VKORC1L1: variants seen among roughly 807,000 people sequenced by gnomAD.
VKORC1L1 encodes vitamin K epoxide reductase complex subunit 1L1, also known as vitamin K epoxide reductase complex subunit 1-like protein 1.
A neutral mutation model predicts 18.9 loss-of-function variants in VKORC1L1; 2 were observed. The observed-to-expected ratio is 0.11, with a 90% CI of 0.04 to 0.33. The LOEUF is 0.33. Among genes scored for constraint, VKORC1L1 ranks in the 10% least tolerant of loss-of-function variants. The pLI is 1.00. For missense variants in VKORC1L1, 123 were observed against 224.1 expected (o/e 0.55, Z 2.88); for synonymous variants, 96 against 100.0 (o/e 0.96, Z 0.24).
chr7:65,922,626 CA>C (rs538367303), intron 1 of VKORC1L1, among the ~76,000 whole-genome samples: 38 of 152,332 alleles, frequency 2.5e-4, no homozygotes, highest in African/African-American at 8.9e-4. Context: ...TTGGCGTGAA[CA>C]AATTCAGTTT....
intron 1 of VKORC1L1, among the ~76,000 whole-genome samples, chr7:65,939,347 G>A (rs975995902): frequency 4.6e-5 from 7 of 152,158 alleles, no homozygotes; most frequent in African/African-American, 1.7e-4. Context: ...GGTGGTCGTG[G>A]AGGTGATTTG....
chr7:65,951,502 A>T (rs1790211854), intron 2 of VKORC1L1, among the ~76,000 whole-genome samples: 3 of 152,064 alleles, frequency 2.0e-5, no homozygotes, highest in Admixed American at 2.0e-4. Context: ...TGAACCTGGG[A>T]GACAGAGGTT....
At chr7:65,915,497 G>A (rs552869492) in intron 1 of VKORC1L1, among the ~76,000 whole-genome samples, 8 of 150,504 alleles carry the variant, frequency 5.3e-5, no homozygotes, top group African/African-American at 1.7e-4. Flanking sequence ...TGCAACCTCC[G>A]CCTCCTGGGT....
At chr7:65,882,977 G>A (rs1284835027) in intron 1 of VKORC1L1, among the ~76,000 whole-genome samples, 1 of 152,052 alleles carries the variant, frequency 6.6e-6, no homozygotes, top group Non-Finnish European at 1.5e-5. Context: ...GGCAAAACAT[G>A]CTTTATCATC....
chr7:65,910,732 T>G (rs947034463), intron 1 of VKORC1L1, among the ~76,000 whole-genome samples: 1 of 152,166 alleles, frequency 6.6e-6, no homozygotes, highest in Non-Finnish European at 1.5e-5. Context: ...TAGCAAGCTG[T>G]GCTTTCATTG....
chr7:65,944,848 T>A lies in VKORC1L1; in HGVS notation c.195-3823T>A, dbSNP rs540706199. On this transcript the variant is annotated intron_variant, in intron 1 of 2. Transcript: ENST00000360768. ...GGGAAAATTGCTTGAGACTGGGAGG[T>A]GGAGGTTGCAATGAGTGCAGATTGC... Among the ~76,000 whole-genome samples the A allele has an allele frequency of 2.7e-5, 4 of 148,330 alleles. No individual in the cohort carries two copies. In the South Asian group the frequency reaches 6.4e-4, roughly 24 times the overall value.
chr7:65,934,785 T>TGGCTCATGCCTGTGGTCTCAGC (rs1789913785), intron 1 of VKORC1L1, among the ~76,000 whole-genome samples: 1 of 152,168 alleles, frequency 6.6e-6, no homozygotes, highest in Non-Finnish European at 1.5e-5. Context: ...CTGGGCTCAG[T>TGGCTCATGCCTGTGGTCTCAGC]GGCTCATGCC....
In VKORC1L1 at chr7:65,877,971, G is replaced by A. The variant is rs148661542; in HGVS notation, c.194+4406G>A. ...CTGCATTTGGTTGAAAAAGATCCACGTATAAGTGAGCACACACAGCTTAAA... is the reference window on the plus strand; with the variant it reads ...CTGCATTTGGTTGAAAAAGATCCACATATAAGTGAGCACACACAGCTTAAA... On this transcript the variant is annotated intron_variant, in intron 1 of 2. Coordinates refer to ENST00000360768, the MANE Select transcript of VKORC1L1 (RefSeq NM_173517.6). Among the ~76,000 whole-genome samples the A allele has an allele frequency of 9.6e-3, 1,461 of 152,098 alleles. 29 individuals carry two copies. Among genetic ancestry groups the A allele is most frequent in the African/African-American group, 0.033 (1,361 of 41,466 alleles).
chr7:65,950,895 T>G (rs1338483968), intron 2 of VKORC1L1, among the ~76,000 whole-genome samples: 3 of 152,216 alleles, frequency 2.0e-5, no homozygotes, highest in African/African-American at 2.4e-5. Flanking sequence ...TGTTTCCATT[T>G]TGCTGGATTT....
chr7:65,871,809 A>G (rs1788729540), upstream of VKORC1L1, among the ~76,000 whole-genome samples: 1 of 151,936 alleles, frequency 6.6e-6, no homozygotes, highest in Admixed American at 6.6e-5. Context: ...TTGTATCCTC[A>G]TGAGAGCCTG....
At chr7:65,932,754 A>G (rs1789878975) in intron 1 of VKORC1L1, among the ~76,000 whole-genome samples, 1 of 152,202 alleles carries the variant, frequency 6.6e-6, no homozygotes, top group South Asian at 2.1e-4. Flanking sequence ...GATGTGGTCT[A>G]TCTTGATGAA....
chr7:65,918,190 A>G (rs745912611), intron 1 of VKORC1L1, among the ~76,000 whole-genome samples: 33 of 152,212 alleles, frequency 2.2e-4, no homozygotes, highest in South Asian at 8.3e-4. Context: ...CTTGTTCTAG[A>G]AGATCATATA....
At chr7:65,878,328 T>G (rs548841164) in intron 1 of VKORC1L1, among the ~76,000 whole-genome samples, 1 of 152,194 alleles carries the variant, frequency 6.6e-6, no homozygotes, top group Non-Finnish European at 1.5e-5. Flanking sequence ...GCACCTGTAA[T>G]TCCAGCTACT....
intron 2 of VKORC1L1, among the ~76,000 whole-genome samples, 156 bp downstream of exon 2, chr7:65,948,936 TTTA>T (rs1156752850): frequency 6.6e-6 from 1 of 152,222 alleles, no homozygotes; most frequent in African/African-American, 2.4e-5. Flanking sequence ...CACTGAGATT[TTTA>T]TTATATTATT....
chr7:65,889,053 G>A (rs567831992), intron 1 of VKORC1L1, among the ~76,000 whole-genome samples: 6 of 151,240 alleles, frequency 4.0e-5, no homozygotes, highest in South Asian at 4.2e-4. Flanking sequence ...TTAATGGTTC[G>A]TGACAGTTCT....
At chr7:65,905,734 A>G (rs1789395574) in intron 1 of VKORC1L1, among the ~76,000 whole-genome samples, 1 of 152,142 alleles carries the variant, frequency 6.6e-6, no homozygotes, top group Admixed American at 6.6e-5. Flanking sequence ...AATTTAAACA[A>G]TTTGTGTTTC....
intron 1 of VKORC1L1, among the ~76,000 whole-genome samples, chr7:65,907,884 G>A (rs971492662): frequency 8.0e-5 from 12 of 150,120 alleles, no homozygotes; most frequent in African/African-American, 2.9e-4. Context: ...TCCCTCATCA[G>A]TTTTTTTTTT....
the VKORC1L1 span, among the ~76,000 whole-genome samples, chr7:65,866,357 C>A: frequency 6.6e-6 from 1 of 152,086 alleles, no homozygotes; most frequent in Non-Finnish European, 1.5e-5. Flanking sequence ...TGTTCTTGTC[C>A]TCGCATAGTG....
At chr7:65,931,803 G>A (rs956730897) in intron 1 of VKORC1L1, among the ~76,000 whole-genome samples, 1 of 151,618 alleles carries the variant, frequency 6.6e-6, no homozygotes, top group Non-Finnish European at 1.5e-5. Context: ...CACCATGCCC[G>A]GCTACTTTTT....
Sources: gnomAD v4.1 joint callset for allele counts (sites outside exome capture counted in the v4.1 genomes callset) on GRCh38, gnomAD v4.1.1 for gene constraint, MANE v1.5 for transcripts, NCBI Gene and HGNC (gene_info 2026-07-23, HGNC 2026-07-21) for gene names.